Variants in NF1 observed in about 807,000 individuals in gnomAD.
NF1 encodes neurofibromin.
NF1 carries 122 observed loss-of-function variants against 325.7 expected under a neutral mutation model. That is an observed-to-expected ratio of 0.37 (90% CI 0.32 to 0.44). The LOEUF is 0.44. NF1 is among the 20% of genes least tolerant of loss of function. The pLI is 1.00. For synonymous variants in NF1, 1,091 were observed against 1,186.0 expected, an observed-to-expected ratio of 0.92 and a Z score of 1.65; for missense variants, 2,140 against 3,415.4, an observed-to-expected ratio of 0.63 and a Z score of 9.31.
intron 1 of NF1, among the ~76,000 whole-genome samples, chr17:31,124,662 C>T (rs1263044761): frequency 7.7e-6 from 1 of 130,432 alleles, no homozygotes; most frequent in Non-Finnish European, 1.5e-5. Context: ...TGCAGTGGTG[C>T]GAACTCGGCT....
intron 1 of NF1, among the ~76,000 whole-genome samples, chr17:31,146,120 C>T (rs1217525323): frequency 6.6e-6 from 1 of 152,154 alleles, no homozygotes; most frequent in Non-Finnish European, 1.5e-5. Flanking sequence ...CATTGCTTAG[C>T]TGTGTTCTCT....
intron 4 of NF1, 104 bp downstream of exon 4, chr17:31,163,480 T>G: frequency 7.7e-7 from 1 of 1,304,420 alleles, no homozygotes. Flanking sequence ...GAGGTTTTTT[T>G]GTTTTTGAGA....
intron 36 of NF1, chr17:31,320,626 G>C: frequency 4.3e-6 from 2 of 464,986 alleles, no homozygotes; most frequent in Middle Eastern, 4.9e-4. Context: ...TTAATAGTAG[G>C]GAGGAAAAAC....
At position 31,340,692 on chromosome 17, in the gene NF1, C is replaced by T. The variant is rs376245164; in HGVS notation, c.7062+47C>T. The T allele has an allele frequency of 1.8e-5, 29 of 1,576,604 alleles. No homozygotes were observed. In the African/African-American group the frequency reaches 3.9e-4, roughly 21 times the overall value. On this transcript the variant is annotated intron_variant, in intron 47 of 57. Coordinates refer to ENST00000358273, the MANE Select transcript of NF1 (RefSeq NM_001042492.3). ...GTTCCTAGATTACTCAAATTTAGTACTCTTCCATCTTTTCTTGTTGCTATT... is the reference window on the plus strand; with the variant it reads ...GTTCCTAGATTACTCAAATTTAGTATTCTTCCATCTTTTCTTGTTGCTATT...
Position 31,265,295 on chromosome 17 carries a change from G to A in NF1, c.4791G>A (p.Gly1597=), listed in dbSNP as rs1412795566. ...CGTTAAGTATTTTCTACCAAGCTGG[G>A]ACTTCCAAAGCTGGGAATCCTATTT... is the stretch of plus-strand genomic sequence containing the variant. The part of the protein sequence containing the change: ...LKTLSIFYQA[G]TSKAGNPIFY... The change falls in exon 36 of 58, where the codon GGG becomes GGA. Residue 1597 remains glycine (G), a synonymous_variant. Transcript: ENST00000358273. 1 of 1,613,354 alleles carries A rather than the reference G, an allele frequency of 6.2e-7. No homozygotes were observed. Among genetic ancestry groups the A allele is most frequent in the Non-Finnish European group, 8.5e-7 (1 of 1,179,554 alleles).
intron 1 of NF1, among the ~76,000 whole-genome samples, chr17:31,142,650 G>A (rs1024279663): frequency 2.6e-5 from 4 of 152,040 alleles, no homozygotes; most frequent in African/African-American, 9.7e-5. Flanking sequence ...GGCAGATCAC[G>A]AGGTCAGGAG....
chr17:31,226,687 A>G lies in NF1; in HGVS notation c.2251+3A>G, dbSNP rs2067021249. On this transcript the variant is annotated splice_donor_region_variant and intron_variant, in intron 18 of 57. Coordinates refer to ENST00000358273, the MANE Select transcript of NF1 (RefSeq NM_001042492.3). ...TGTCAGCAATATGATGTCAACAGGTAAATGTGAATAGTGGTTTTTTTTACT... is the reference window on the plus strand; with the variant it reads ...TGTCAGCAATATGATGTCAACAGGTGAATGTGAATAGTGGTTTTTTTTACT... 1.2e-6 allele frequency: 2 copies of G among 1,613,600 alleles called. No homozygotes were observed. Among genetic ancestry groups the G allele is most frequent in the South Asian group, 2.2e-5 (2 of 91,086 alleles).
chr17:31,139,666 T>C (rs1222891680), intron 1 of NF1, among the ~76,000 whole-genome samples: 1 of 152,174 alleles, frequency 6.6e-6, no homozygotes, highest in Non-Finnish European at 1.5e-5. Context: ...CATTAGTTTG[T>C]TCCAGAAAAT....
chr17:31,302,045 G>T (rs1002593564), intron 36 of NF1, among the ~76,000 whole-genome samples: 13 of 152,220 alleles, frequency 8.5e-5, no homozygotes, highest in Middle Eastern at 3.4e-3. Context: ...GATTGCCACT[G>T]TTTGGCTGCT....
chr17:31,178,336 C>T (rs556993415), intron 5 of NF1, among the ~76,000 whole-genome samples: 3 of 152,298 alleles, frequency 2.0e-5, no homozygotes, highest in Non-Finnish European at 2.9e-5. Context: ...TTTGTCACCA[C>T]CAGGCCTGCC....
chr17:31,280,516 C>CTA (rs2068097040), intron 36 of NF1, among the ~76,000 whole-genome samples: 1 of 79,538 alleles, frequency 1.3e-5, no homozygotes, highest in Non-Finnish European at 2.7e-5. Context: ...GACTCTGTCT[C>CTA]AAAAAAAAAA....
chr17:31,140,799 C>T (rs1916151965), intron 1 of NF1, among the ~76,000 whole-genome samples: 1 of 152,192 alleles, frequency 6.6e-6, no homozygotes, highest in Admixed American at 6.5e-5. Context: ...GATATTCTGT[C>T]ATTTGCCACA....
chr17:31,270,464 G>A (rs765534088), intron 36 of NF1, among the ~76,000 whole-genome samples: 1 of 152,098 alleles, frequency 6.6e-6, no homozygotes, highest in Non-Finnish European at 1.5e-5. Context: ...ACAAAAATCA[G>A]CCGTACATTG....
At chr17:31,196,079 G>A (rs1462005047) in intron 8 of NF1, among the ~76,000 whole-genome samples, 1 of 151,922 alleles carries the variant, frequency 6.6e-6, no homozygotes, top group East Asian at 1.9e-4. Context: ...TCAGTGCAGA[G>A]TTGTATATAA....
chr17:31,162,329 T>C (rs1278595779), intron 3 of NF1, among the ~76,000 whole-genome samples: 1 of 151,958 alleles, frequency 6.6e-6, no homozygotes, highest in Non-Finnish European at 1.5e-5. Flanking sequence ...ATACAAAAAT[T>C]AGCTGGGCAT....
chr17:31,273,768 G>A (rs2067949269), intron 36 of NF1: 1 of 152,152 alleles, frequency 6.6e-6, no homozygotes, highest in African/African-American at 2.4e-5. Context: ...TAAACAGATA[G>A]ACTTTGGCAG....
chr17:31,147,895 C>G (rs1916686672), intron 1 of NF1, among the ~76,000 whole-genome samples: 1 of 152,230 alleles, frequency 6.6e-6, no homozygotes, highest in Non-Finnish European at 1.5e-5. Flanking sequence ...TTTTGCCAAT[C>G]TAGCCCTCAG....
At chr17:31,125,585 G>A (rs2143420337) in intron 1 of NF1, among the ~76,000 whole-genome samples, 1 of 151,824 alleles carries the variant, frequency 6.6e-6, no homozygotes, top group East Asian at 1.9e-4. Flanking sequence ...CCCCCAGGCT[G>A]GAGTGTAATG....
intron 48 of NF1, among the ~76,000 whole-genome samples, chr17:31,346,873 T>C (rs2070004351): frequency 6.9e-6 from 1 of 144,766 alleles, no homozygotes; most frequent in Non-Finnish European, 1.5e-5. Flanking sequence ...TTTTAAACAA[T>C]AGTTATTGCT....
Sources: gnomAD v4.1 joint callset for allele counts (sites outside exome capture counted in the v4.1 genomes callset) on GRCh38, gnomAD v4.1.1 for gene constraint, MANE v1.5 for transcripts, NCBI Gene and HGNC (gene_info 2026-07-23, HGNC 2026-07-21) for gene names.